Variants in ZNF804A observed in about 807,000 individuals in gnomAD.
The protein encoded by ZNF804A is zinc finger protein 804A.
ZNF804A carries 2 observed loss-of-function variants against 16.5 expected under a neutral mutation model. The observed-to-expected ratio is 0.12, with a 90% CI of 0.05 to 0.38. The LOEUF (loss-of-function observed/expected upper bound fraction) is 0.38, where lower values mean the gene tolerates loss of function less well. Among genes scored for constraint, ZNF804A ranks in the 10% least tolerant of loss-of-function variants. The pLI is 0.99. For missense variants in ZNF804A, 1,473 were observed against 1,390.7 expected (o/e 1.06, Z -0.94); for synonymous variants, 534 against 489.6 (o/e 1.09, Z -1.20).
chr2:184,714,454 A>G (rs1158752390), intron 1 of ZNF804A, among the ~76,000 whole-genome samples: 1 of 152,134 alleles, frequency 6.6e-6, no homozygotes, highest in Non-Finnish European at 1.5e-5. Context: ...ATGTTAAAAT[A>G]TATTTACATT....
chr2:184,670,374 C>G (rs1034313882), intron 1 of ZNF804A, among the ~76,000 whole-genome samples: 5 of 151,918 alleles, frequency 3.3e-5, no homozygotes, highest in Non-Finnish European at 5.9e-5. Flanking sequence ...CCATTATGCC[C>G]TTTATTTTAT....
chr2:184,923,957 T>C (rs960470229), intron 2 of ZNF804A, among the ~76,000 whole-genome samples: 3 of 151,864 alleles, frequency 2.0e-5, no homozygotes, highest in Non-Finnish European at 4.4e-5. Flanking sequence ...CTAGTATTTG[T>C]TGAGGATTTT....
intron 2 of ZNF804A, among the ~76,000 whole-genome samples, chr2:184,874,525 A>G (rs948544439): frequency 1.3e-5 from 2 of 152,146 alleles, no homozygotes; most frequent in Non-Finnish European, 2.9e-5. Flanking sequence ...GAGAATTATA[A>G]TTGATGCTAT....
intron 1 of ZNF804A, among the ~76,000 whole-genome samples, chr2:184,850,963 C>T (rs572563255): frequency 6.6e-6 from 1 of 151,844 alleles, no homozygotes; most frequent in East Asian, 1.9e-4. Context: ...GGGTACCACA[C>T]TCCCAACCAT....
chr2:184,599,203 G>A (rs996701544), intron 1 of ZNF804A, 133 bp downstream of exon 1: 1 of 708,942 alleles, frequency 1.4e-6, no homozygotes, highest in African/African-American at 1.8e-5. Flanking sequence ...CGTGGGGTGA[G>A]AATTGGGTGT....
At chr2:184,648,415 T>G (rs72897799) in intron 1 of ZNF804A, among the ~76,000 whole-genome samples, 16,651 of 152,218 alleles carry the variant, frequency 0.11, 1,179 homozygotes, top group Non-Finnish European at 0.16. Flanking sequence ...ATATCAATAT[T>G]AATCATGAAA....
chr2:184,777,835 T>C (rs557245246), intron 1 of ZNF804A, among the ~76,000 whole-genome samples: 101 of 151,746 alleles, frequency 6.7e-4, no homozygotes, highest in African/African-American at 2.1e-3. Context: ...GACTTATTCC[T>C]ATGCTGTGAT....
chr2:184,673,340 C>T (rs543360361), intron 1 of ZNF804A, among the ~76,000 whole-genome samples: 1 of 152,296 alleles, frequency 6.6e-6, no homozygotes, highest in East Asian at 1.9e-4. Flanking sequence ...TTGGAACCTC[C>T]ATAGTATCCA....
intron 2 of ZNF804A, among the ~76,000 whole-genome samples, chr2:184,888,258 C>T (rs1684927542): frequency 1.3e-5 from 2 of 151,936 alleles, no homozygotes; most frequent in African/African-American, 4.8e-5. Flanking sequence ...AAAATTTTCT[C>T]CGAGAAGTAA....
Position 184,936,510 on chromosome 2 carries a change from G to T in ZNF804A, c.1114G>T (p.Val372Leu). Residue 372 changes from valine (V) to leucine (L), a missense_variant, in exon 4 of 4, where the codon GTG (valine) becomes TTG (leucine). Physicochemically the swap from Val to Leu is conservative, Grantham distance 32 (BLOSUM62 1). Coordinates refer to ENST00000302277, the MANE Select transcript of ZNF804A (RefSeq NM_194250.2). ...TGACATGTCTAATGATTGCATATCT[G>T]TGCAAGCTACCACAGAGGAAAATGT... Reference protein sequence around the residue: ...VLDMSNDCISVQATTEENVKH... With the variant: ...VLDMSNDCISLQATTEENVKH... The T allele has an allele frequency of 6.2e-7, 1 of 1,613,918 alleles. No homozygotes were observed. Among genetic ancestry groups the T allele is most frequent in the Non-Finnish European group, 8.5e-7 (1 of 1,179,928 alleles).
chr2:184,724,539 T>C (rs1044216704), intron 1 of ZNF804A, among the ~76,000 whole-genome samples: 15 of 148,392 alleles, frequency 1.0e-4, no homozygotes, highest in Admixed American at 7.3e-4. Flanking sequence ...ATGTGCATTA[T>C]ATAAATGAAA....
intron 1 of ZNF804A, among the ~76,000 whole-genome samples, chr2:184,683,036 A>C (rs1163602805): frequency 6.6e-6 from 1 of 152,034 alleles, no homozygotes; most frequent in Non-Finnish European, 1.5e-5. Flanking sequence ...ACCCTGTCTC[A>C]AAAAATAAAA....
At chr2:184,868,558 G>T (rs539023585) in intron 2 of ZNF804A, among the ~76,000 whole-genome samples, 6 of 152,160 alleles carry the variant, frequency 3.9e-5, no homozygotes, top group African/African-American at 1.4e-4. Flanking sequence ...ACTTAAAAAT[G>T]TAGGGATTGT....
chr2:184,821,537 G>T (rs1695083094), intron 1 of ZNF804A, among the ~76,000 whole-genome samples: 1 of 151,928 alleles, frequency 6.6e-6, no homozygotes, highest in Admixed American at 6.6e-5. Flanking sequence ...CAAAAGCAAT[G>T]GCAACAAAAA....
intron 1 of ZNF804A, among the ~76,000 whole-genome samples, chr2:184,817,775 A>G (rs886912167): frequency 2.6e-5 from 4 of 152,186 alleles, no homozygotes; most frequent in East Asian, 1.9e-4. Flanking sequence ...AGGTATCAAT[A>G]CCAGAATACA....
At chr2:184,761,097 C>G (rs1694031290) in intron 1 of ZNF804A, among the ~76,000 whole-genome samples, 1 of 152,064 alleles carries the variant, frequency 6.6e-6, no homozygotes, top group African/African-American at 2.4e-5. Flanking sequence ...TACTGGAATA[C>G]TTTTCACGGA....
rs547488287 is a variant in ZNF804A at position 184,749,683 on chromosome 2, T to C, written c.112-116686T>C. Among the ~76,000 whole-genome samples the C allele has an allele frequency of 2.6e-5, 4 of 151,502 alleles. No homozygotes were observed. In the South Asian group the frequency reaches 6.2e-4, roughly 24 times the overall value. On this transcript the variant is annotated intron_variant, in intron 1 of 3. Coordinates refer to ENST00000302277, the MANE Select transcript of ZNF804A (RefSeq NM_194250.2). Reference sequence around the variant, plus strand: ...CTCACAATTGTAATGATTCATTATTTATTTTTGGGATAGACCAGCCATTTT... The same window carrying C: ...CTCACAATTGTAATGATTCATTATTCATTTTTGGGATAGACCAGCCATTTT...
rs750909266 is a variant in ZNF804A, at chr2:184,939,056, T to A, written c.*30T>A. 5 of 1,602,162 alleles carry A rather than the reference T, an allele frequency of 3.1e-6. No individual in the cohort carries two copies. Among genetic ancestry groups the A allele is most frequent in the Non-Finnish European group, 4.3e-6 (5 of 1,172,468 alleles). ...CACCATAATGGGAAAAAAATACTCTTGTGAAAACTATTGCTATATGCGTTA... is the reference window on the plus strand; with the variant it reads ...CACCATAATGGGAAAAAAATACTCTAGTGAAAACTATTGCTATATGCGTTA... On this transcript the variant is annotated 3_prime_UTR_variant, in exon 4 of 4. Transcript: ENST00000302277.
intron 1 of ZNF804A, among the ~76,000 whole-genome samples, chr2:184,763,799 C>A (rs933672529): frequency 1.3e-5 from 2 of 151,494 alleles, no homozygotes; most frequent in Non-Finnish European, 2.9e-5. Flanking sequence ...CCTGCCACCA[C>A]GCCCGGCTAA....
Sources: gnomAD v4.1 joint callset for allele counts (sites outside exome capture counted in the v4.1 genomes callset) on GRCh38, gnomAD v4.1.1 for gene constraint, MANE v1.5 for transcripts, NCBI Gene and HGNC (gene_info 2026-07-23, HGNC 2026-07-21) for gene names.